The following PTPRD variants were observed in gnomAD, a reference collection of about 807,000 sequenced individuals.
PTPRD encodes the protein receptor-type tyrosine-protein phosphatase delta.
A neutral mutation model predicts 214.5 loss-of-function variants in PTPRD; 34 were observed. That is an observed-to-expected ratio of 0.16 (90% CI 0.12 to 0.21). The LOEUF (loss-of-function observed/expected upper bound fraction) is 0.21. PTPRD is among the 10% of genes least tolerant of loss of function. The pLI, the probability that PTPRD is intolerant of heterozygous loss-of-function variation, is 1.00. For missense variants in PTPRD, 2,545 were observed against 2,398.7 expected (o/e 1.06, Z -1.27); for synonymous variants, 1,128 against 845.7 (o/e 1.33, Z -5.79).
At chr9:10,338,110 G>T (rs55818506) in intron 3 of PTPRD, among the ~76,000 whole-genome samples, 1,696 of 151,628 alleles carry the variant, frequency 0.011, 13 homozygotes, top group Non-Finnish European at 0.016. Flanking sequence ...AACTGAAAAT[G>T]CATAAAAAGA....
chr9:8,895,205 A>G (rs572976129), intron 11 of PTPRD, among the ~76,000 whole-genome samples: 12 of 152,274 alleles, frequency 7.9e-5, no homozygotes, highest in African/African-American at 2.9e-4. Context: ...AAAGAATGAC[A>G]ATGTTTCCTT....
intron 32 of PTPRD, among the ~76,000 whole-genome samples, chr9:8,463,109 G>C (rs1043282665): frequency 6.6e-6 from 1 of 151,382 alleles, no homozygotes; most frequent in African/African-American, 2.4e-5. Flanking sequence ...TTAGTTTATG[G>C]CATCTATTCT....
At chr9:10,268,060 T>C (rs2094184642) in intron 3 of PTPRD, among the ~76,000 whole-genome samples, 2 of 151,406 alleles carry the variant, frequency 1.3e-5, no homozygotes, top group Non-Finnish European at 2.9e-5. Flanking sequence ...GCAGAATTGT[T>C]GGAGGCTAGG....
intron 7 of PTPRD, among the ~76,000 whole-genome samples, chr9:9,619,433 T>C (rs530228564): frequency 6.7e-6 from 1 of 150,008 alleles, no homozygotes; most frequent in Non-Finnish European, 1.5e-5. Context: ...AACAATTTAA[T>C]ATATATCTAT....
At chr9:9,901,524 T>C (rs2076392690) in intron 5 of PTPRD, among the ~76,000 whole-genome samples, 1 of 151,972 alleles carries the variant, frequency 6.6e-6, no homozygotes, top group African/African-American at 2.4e-5. Flanking sequence ...GAATTAACAG[T>C]TGCTGGGGAA....
At chr9:9,155,267 C>T (rs549563803) in intron 10 of PTPRD, among the ~76,000 whole-genome samples, 72 of 152,034 alleles carry the variant, frequency 4.7e-4, no homozygotes, top group Non-Finnish European at 7.5e-4. Context: ...ATTATGTGTT[C>T]CTGTCACAGA....
intron 13 of PTPRD, among the ~76,000 whole-genome samples, chr9:8,636,004 A>G (rs903490234): frequency 1.3e-5 from 2 of 152,188 alleles, no homozygotes; most frequent in Admixed American, 6.6e-5. Flanking sequence ...AACTTCTTCG[A>G]TAGGTTTCTC....
intron 3 of PTPRD, among the ~76,000 whole-genome samples, chr9:10,175,027 T>C (rs201098196): frequency 1.3e-5 from 2 of 152,092 alleles, no homozygotes; most frequent in East Asian, 3.9e-4. Context: ...TAGTGAGGAT[T>C]AGACTCATTT....
At position 10,599,567 on chromosome 9, in the gene PTPRD, G is replaced by A. The variant is rs139154982; in HGVS notation, c.-600+12831C>T. 2.5e-3 allele frequency among the ~76,000 whole-genome samples: 380 copies of A among 151,790 alleles called. 3 individuals carry two copies. The highest frequency in any genetic ancestry group is 4.4e-3 in the Non-Finnish European group (295 of 67,804). On this transcript the variant is annotated intron_variant, in intron 2 of 45. Coordinates refer to ENST00000381196, the MANE Select transcript of PTPRD (RefSeq NM_002839.4). ...AGAATTCTTAGACTGGCTATTCTAT[G>A]GGCATAAATAAACAAATAGGCAAAG...
chr9:10,148,674 G>C lies in PTPRD; in HGVS notation c.-544-114884C>G, dbSNP rs138788513. Among the ~76,000 whole-genome samples the C allele has an allele frequency of 8.5e-5, 13 of 152,232 alleles. No individual in the cohort carries two copies. The East Asian group carries it at 2.5e-3, about 29-fold the overall frequency. ...ATGTTGCAAAACATACATTGGACAA[G>C]TCAATCTCAATTTTGGCTGATAGTA... On this transcript the variant is annotated intron_variant, in intron 3 of 45. Transcript: ENST00000381196.
At chr9:10,513,246 A>C (rs992998614) in intron 2 of PTPRD, among the ~76,000 whole-genome samples, 4 of 151,980 alleles carry the variant, frequency 2.6e-5, no homozygotes, top group African/African-American at 9.7e-5. Flanking sequence ...TGGAAGTTAT[A>C]TAAGGATAAT....
chr9:8,766,175 T>G (rs1314906026), intron 11 of PTPRD, among the ~76,000 whole-genome samples: 1 of 150,926 alleles, frequency 6.6e-6, no homozygotes. Context: ...CCCATTTCGT[T>G]TTACCACTGA....
chr9:10,103,598 G>C (rs1428445474), intron 3 of PTPRD, among the ~76,000 whole-genome samples: 1 of 151,154 alleles, frequency 6.6e-6, no homozygotes, highest in Non-Finnish European at 1.5e-5. Context: ...TTGTGCTTTT[G>C]TCTTAGGTTT....
Position 9,511,671 on chromosome 9 carries a change from A to T in PTPRD, c.-237+63061T>A, listed in dbSNP as rs565758996. On this transcript the variant is annotated intron_variant, in intron 8 of 45. Coordinates refer to ENST00000381196, the MANE Select transcript of PTPRD (RefSeq NM_002839.4). ...TGAGTTCTCATAAAAATATGGAATTATATTTTTATTCTTTCTCAAATGTTT... is the reference window on the plus strand; with the variant it reads ...TGAGTTCTCATAAAAATATGGAATTTTATTTTTATTCTTTCTCAAATGTTT... Among the ~76,000 whole-genome samples the T allele has an allele frequency of 9.9e-5, 15 of 151,946 alleles. No homozygotes were observed. In the South Asian group the frequency reaches 3.1e-3, roughly 31 times the overall value.
chr9:8,913,051 G>A lies in PTPRD; in HGVS notation c.-104+105646C>T, dbSNP rs181243379. Among the ~76,000 whole-genome samples the A allele has an allele frequency of 4.6e-5, 7 of 151,908 alleles. No homozygotes were observed. The East Asian group carries it at 5.8e-4, about 13-fold the overall frequency. ...TTAACGATTTATGAATTTATACCCC[G>A]CCATTTTGAGAAGTTCAATAATATC... On this transcript the variant is annotated intron_variant, in intron 11 of 45. Transcript: ENST00000381196.
chr9:9,723,011 A>C (rs983828493), intron 7 of PTPRD, among the ~76,000 whole-genome samples: 25 of 152,170 alleles, frequency 1.6e-4, no homozygotes, highest in African/African-American at 6.0e-4. Context: ...TTTTGATGGC[A>C]TTATTTAAAG....
At chr9:9,566,465 G>A (rs964050506) in intron 8 of PTPRD, among the ~76,000 whole-genome samples, 5 of 151,888 alleles carry the variant, frequency 3.3e-5, no homozygotes, top group African/African-American at 7.2e-5. Flanking sequence ...AAACTTGTGC[G>A]AGAGCTTATA....
intron 5 of PTPRD, among the ~76,000 whole-genome samples, chr9:9,832,012 G>C (rs10114007): frequency 0.03 from 4,573 of 152,048 alleles, 75 homozygotes; most frequent in Middle Eastern, 0.058. Context: ...AAAATGTTGA[G>C]TAAATGGAAA....
intron 5 of PTPRD, among the ~76,000 whole-genome samples, chr9:9,830,811 A>G (rs2054577442): frequency 6.6e-6 from 1 of 151,462 alleles, no homozygotes; most frequent in South Asian, 2.1e-4. Flanking sequence ...CCCATTACAA[A>G]CTCTTCTATT....
Sources: gnomAD v4.1 joint callset for allele counts (sites outside exome capture counted in the v4.1 genomes callset) on GRCh38, gnomAD v4.1.1 for gene constraint, MANE v1.5 for transcripts, NCBI Gene and HGNC (gene_info 2026-07-23, HGNC 2026-07-21) for gene names.